Variants in PARP8 observed in about 807,000 individuals in gnomAD.
PARP8 encodes the protein poly(ADP-ribose) polymerase family member 8.
A neutral mutation model predicts 124.1 loss-of-function variants in PARP8; 51 were observed. The observed-to-expected ratio is 0.41, with a 90% CI of 0.33 to 0.52. The LOEUF (loss-of-function observed/expected upper bound fraction) is 0.52, where lower values mean the gene tolerates loss of function less well. Among genes scored for constraint, PARP8 ranks in the 20% least tolerant of loss-of-function variants. PARP8 has a pLI of 0.21. For synonymous variants in PARP8, 391 were observed against 361.5 expected (o/e 1.08, Z -0.93); for missense variants, 860 against 1,018.9 (o/e 0.84, Z 2.12).
intron 2 of PARP8, among the ~76,000 whole-genome samples, chr5:50,738,250 T>G (rs1337344006): frequency 2.0e-5 from 3 of 152,226 alleles, no homozygotes; most frequent in Non-Finnish European, 4.4e-5. Flanking sequence ...GGAAAAATTG[T>G]TAAATCATGA....
At chr5:50,735,172 A>T (rs1757355877) in intron 2 of PARP8, among the ~76,000 whole-genome samples, 1 of 152,092 alleles carries the variant, frequency 6.6e-6, no homozygotes, top group Non-Finnish European at 1.5e-5. Flanking sequence ...CCCAAACAGA[A>T]TATATTTTAA....
At chr5:50,679,265 G>A (rs1456685376) in intron 2 of PARP8, among the ~76,000 whole-genome samples, 1 of 152,094 alleles carries the variant, frequency 6.6e-6, no homozygotes, top group African/African-American at 2.4e-5. Flanking sequence ...TTAGAGTCTA[G>A]CGATTCTCCA....
chr5:50,689,840 A>G (rs929200806), intron 2 of PARP8, among the ~76,000 whole-genome samples: 1 of 152,114 alleles, frequency 6.6e-6, no homozygotes, highest in African/African-American at 2.4e-5. Context: ...ATGCACCTGG[A>G]TTGCAGGTAT....
rs1746268728 is a variant in PARP8 at position 50,825,702 on chromosome 5, AAC to A, written c.1928+728_1928+729del. Among the ~76,000 whole-genome samples, 3 of 152,146 alleles carry A rather than the reference AAC, an allele frequency of 2.0e-5. 1 individual carries two copies. The South Asian group carries it at 6.2e-4, about 32-fold the overall frequency. ...CATGTCTCTTTGAATTAACTTTGAA[AAC>A]TCCAACTCCGTGAGATTTACCATAC... On this transcript the variant is annotated intron_variant, in intron 18 of 25. Coordinates refer to ENST00000281631, the MANE Select transcript of PARP8 (RefSeq NM_024615.4).
chr5:50,773,445 G>A lies in PARP8; in HGVS notation c.519-4624G>A, dbSNP rs138785974. Among the ~76,000 whole-genome samples the A allele has an allele frequency of 2.7e-4, 41 of 152,290 alleles. No homozygotes were observed. The East Asian group carries it at 5.2e-3, about 19-fold the overall frequency. ...GAAGAGACTGCTCTTTCCTCAAGGTGTGTTCTTGGAGCCTTTGTTGAAAAT... is the reference window on the plus strand; with the variant it reads ...GAAGAGACTGCTCTTTCCTCAAGGTATGTTCTTGGAGCCTTTGTTGAAAAT... On this transcript the variant is annotated intron_variant, in intron 7 of 25. Coordinates refer to ENST00000281631, the MANE Select transcript of PARP8 (RefSeq NM_024615.4).
chr5:50,669,602 G>C (rs1272875377), intron 2 of PARP8: 1 of 152,110 alleles, frequency 6.6e-6, no homozygotes, highest in Non-Finnish European at 1.5e-5. Flanking sequence ...TAATCACTAA[G>C]ATCTGTTAGA....
intron 2 of PARP8, among the ~76,000 whole-genome samples, chr5:50,708,375 A>G (rs1209929198): frequency 6.6e-6 from 1 of 152,108 alleles, no homozygotes; most frequent in South Asian, 2.1e-4. Flanking sequence ...CTCTTTGTAA[A>G]GAAAACTTTA....
intron 14 of PARP8, among the ~76,000 whole-genome samples, chr5:50,797,880 A>G (rs552987527): frequency 6.6e-5 from 10 of 152,334 alleles, no homozygotes; most frequent in Admixed American, 3.9e-4. Flanking sequence ...TATTCACAAT[A>G]TTATATAACC....
rs540387325 is a variant in PARP8 at position 50,747,939 on chromosome 5, A to AT, written c.147-2204dup. Among the ~76,000 whole-genome samples the AT allele has an allele frequency of 7.9e-4, 119 of 150,754 alleles. 3 individuals carry two copies. In the South Asian group the frequency reaches 0.024, roughly 30 times the overall value. On this transcript the variant is annotated intron_variant, in intron 2 of 25. Coordinates refer to ENST00000281631, the MANE Select transcript of PARP8 (RefSeq NM_024615.4). ...AGGCGCCTGCCACCGCGCCCGGCTA[A>AT]TTTTTTTTGTATTTTTAGTATAGAC...
intron 2 of PARP8, among the ~76,000 whole-genome samples, chr5:50,736,363 C>G (rs978259737): frequency 3.3e-5 from 5 of 152,050 alleles, no homozygotes; most frequent in African/African-American, 9.7e-5. Context: ...GGTGCAGCAT[C>G]TTTGTAATGG....
At chr5:50,737,445 A>G (rs1273384062) in intron 2 of PARP8, among the ~76,000 whole-genome samples, 1 of 152,194 alleles carries the variant, frequency 6.6e-6, no homozygotes, top group East Asian at 1.9e-4. Context: ...ATTCTGGAGT[A>G]ATCAGTGAGA....
intron 2 of PARP8, among the ~76,000 whole-genome samples, chr5:50,682,595 G>A (rs1402533757): frequency 1.2e-4 from 18 of 151,962 alleles, no homozygotes; most frequent in Admixed American, 1.2e-3. Context: ...CCACAGCACA[G>A]AGAGAGAATA....
chr5:50,781,986 GT>G (rs1740726287), intron 9 of PARP8, among the ~76,000 whole-genome samples: 1 of 152,100 alleles, frequency 6.6e-6, no homozygotes, highest in Admixed American at 6.5e-5. Context: ...TGCACTCAGG[GT>G]CTGCTTCTGA....
intron 2 of PARP8, among the ~76,000 whole-genome samples, chr5:50,737,908 A>G (rs1198169219): frequency 6.6e-6 from 1 of 152,216 alleles, no homozygotes; most frequent in Non-Finnish European, 1.5e-5. Flanking sequence ...TATGTCATCA[A>G]AATATGTCAG....
chr5:50,675,435 A>C (rs193258260), intron 2 of PARP8, among the ~76,000 whole-genome samples: 1 of 152,128 alleles, frequency 6.6e-6, no homozygotes, highest in East Asian at 1.9e-4. Context: ...CTCTCAAGTA[A>C]CTGGGATTAC....
At chr5:50,715,264 A>G (rs1755183975) in intron 2 of PARP8, among the ~76,000 whole-genome samples, 2 of 152,074 alleles carry the variant, frequency 1.3e-5, no homozygotes, top group Non-Finnish European at 2.9e-5. Flanking sequence ...TAACCTTTCC[A>G]TACAGTAGAA....
rs559962307 is a variant in PARP8 at position 50,806,460 on chromosome 5, T to C, written c.1576-8972T>C. 2.3e-4 allele frequency among the ~76,000 whole-genome samples: 35 copies of C among 152,192 alleles called. 1 individual carries two copies. The East Asian group carries it at 6.5e-3, about 28-fold the overall frequency. On this transcript the variant is annotated intron_variant, in intron 14 of 25. Coordinates refer to ENST00000281631, the MANE Select transcript of PARP8 (RefSeq NM_024615.4). ...TGTCTCACTCCAAATTTTGTTTGACTTTATCTATATCTGCAACAATAAATA... is the reference window on the plus strand; with the variant it reads ...TGTCTCACTCCAAATTTTGTTTGACCTTATCTATATCTGCAACAATAAATA...
At chr5:50,681,985 A>G (rs1355250872) in intron 2 of PARP8, among the ~76,000 whole-genome samples, 2 of 152,136 alleles carry the variant, frequency 1.3e-5, no homozygotes, top group South Asian at 4.1e-4. Flanking sequence ...AATAAGATAT[A>G]TTTTTGGTTG....
chr5:50,805,611 C>A (rs1295855298), intron 14 of PARP8, among the ~76,000 whole-genome samples: 1 of 151,512 alleles, frequency 6.6e-6, no homozygotes, highest in Non-Finnish European at 1.5e-5. Flanking sequence ...CCTGTCTTGC[C>A]TTTTGGAATA....
Sources: gnomAD v4.1 joint callset for allele counts (sites outside exome capture counted in the v4.1 genomes callset) on GRCh38, gnomAD v4.1.1 for gene constraint, MANE v1.5 for transcripts, NCBI Gene and HGNC (gene_info 2026-07-23, HGNC 2026-07-21) for gene names.